The following SLC7A2 variants were observed in gnomAD, a reference collection of about 807,000 sequenced individuals.
The protein encoded by SLC7A2 is cationic amino acid transporter 2.
Under a neutral mutation model 58.9 loss-of-function variants are expected in SLC7A2, and 48 were observed. The ratio of observed to expected loss-of-function variants is 0.82; its 90% confidence interval spans 0.65 to 1.04. SLC7A2 has a LOEUF of 1.04. Among genes scored for constraint, SLC7A2 ranks in the 50% least tolerant of loss-of-function variants. The pLI, the probability that SLC7A2 is intolerant of heterozygous loss-of-function variation, is 0.00. For synonymous variants in SLC7A2, 363 were observed against 314.5 expected (o/e 1.15, Z -1.63); for missense variants, 1,029 against 818.8 (o/e 1.26, Z -3.13).
intron 11 of SLC7A2, 68 bp downstream of exon 11, chr8:17,562,178 G>C: frequency 2.1e-6 from 1 of 478,206 alleles, no homozygotes; most frequent in Non-Finnish European, 2.9e-6. Flanking sequence ...AGTTTGGTAA[G>C]TATTTTTTTT....
intron 2 of SLC7A2, 68 bp downstream of exon 2, chr8:17,502,370 G>C (rs1800194580): frequency 6.6e-6 from 1 of 152,114 alleles, no homozygotes; most frequent in South Asian, 2.1e-4. Context: ...AAAAAATGTT[G>C]ACAGTGGAAA....
At chr8:17,513,749 G>A (rs1200354913) in intron 2 of SLC7A2, among the ~76,000 whole-genome samples, 2 of 152,156 alleles carry the variant, frequency 1.3e-5, no homozygotes, top group African/African-American at 2.4e-5. Flanking sequence ...AATCTAAGAA[G>A]CGAGGCAAGG....
In SLC7A2 at chr8:17,562,114, T is replaced by G. The variant is rs762575843; in HGVS notation, c.1671+4T>G. The G allele has an allele frequency of 6.2e-7, 1 of 1,611,302 alleles. No individual in the cohort carries two copies. The highest frequency in any genetic ancestry group is 1.7e-5 in the Admixed American group (1 of 59,936). Reference sequence around the variant, plus strand: ...TCAGCAAAAAGTAGCCTTCATGGTATGTGTAATGAGGATTAGAGACCCAAA... The same window carrying G: ...TCAGCAAAAAGTAGCCTTCATGGTAGGTGTAATGAGGATTAGAGACCCAAA... On this transcript the variant is annotated splice_donor_region_variant and intron_variant, in intron 11 of 12. Coordinates refer to ENST00000494857, the MANE Select transcript of SLC7A2 (RefSeq NM_001370338.1).
chr8:17,553,759 CAG>C (rs1802559524), intron 7 of SLC7A2, among the ~76,000 whole-genome samples: 1 of 152,188 alleles, frequency 6.6e-6, no homozygotes, highest in African/African-American at 2.4e-5. Context: ...TCCTGGGTGA[CAG>C]AGTGAGTCCC....
intron 6 of SLC7A2, among the ~76,000 whole-genome samples, chr8:17,551,178 G>C (rs183412565): frequency 9.5e-4 from 145 of 152,244 alleles, no homozygotes; most frequent in African/African-American, 3.2e-3. Flanking sequence ...GGTTTTGGTT[G>C]GTTGGTTGGT....
chr8:17,528,176 G>GA (rs1209622008), intron 2 of SLC7A2, among the ~76,000 whole-genome samples: 2 of 152,266 alleles, frequency 1.3e-5, no homozygotes, highest in Middle Eastern at 3.4e-3. Flanking sequence ...AGGAGACAGG[G>GA]AGGAGCAGAC....
chr8:17,509,112 TC>T (rs1800492196), intron 2 of SLC7A2, among the ~76,000 whole-genome samples: 1 of 152,136 alleles, frequency 6.6e-6, no homozygotes, highest in Non-Finnish European at 1.5e-5. Flanking sequence ...AATTGAAAGT[TC>T]GAGTCATCTG....
rs114171628 is a variant in SLC7A2, at chr8:17,533,718, T to C, written c.-22-9600T>C. 6.3e-3 allele frequency among the ~76,000 whole-genome samples: 958 copies of C among 152,302 alleles called. 18 individuals carry two copies. The highest frequency in any genetic ancestry group is 0.021 in the African/African-American group (872 of 41,560). On this transcript the variant is annotated intron_variant, in intron 2 of 12. Coordinates refer to ENST00000494857, the MANE Select transcript of SLC7A2 (RefSeq NM_001370338.1). ...CTGGCATCTTTAATCTGAAAGTCAGTTACTAATCCAGAGAAAAGTGAAGGT... is the reference window on the plus strand; with the variant it reads ...CTGGCATCTTTAATCTGAAAGTCAGCTACTAATCCAGAGAAAAGTGAAGGT...
At chr8:17,502,962 C>A (rs1275910397) in intron 2 of SLC7A2, among the ~76,000 whole-genome samples, 2 of 151,856 alleles carry the variant, frequency 1.3e-5, no homozygotes, top group Non-Finnish European at 2.9e-5. Context: ...TTTAAATGAA[C>A]TTTCCATAAG....
chr8:17,499,345 C>G (rs1056679190), intron 1 of SLC7A2: 2 of 149,036 alleles, frequency 1.3e-5, no homozygotes, highest in African/African-American at 5.0e-5. Context: ...CTCTCTGTCT[C>G]TCTCTCTCTC....
At chr8:17,558,474 C>T (rs533630774) in intron 9 of SLC7A2, 77 bp downstream of exon 9, 2 of 894,788 alleles carry the variant, frequency 2.2e-6, no homozygotes, top group African/African-American at 1.7e-5. Flanking sequence ...CCTCACTCTC[C>T]TGGCTTCCAG....
At chr8:17,529,030 CA>C (rs1390431710) in intron 2 of SLC7A2, among the ~76,000 whole-genome samples, 1 of 152,072 alleles carries the variant, frequency 6.6e-6, no homozygotes, top group Non-Finnish European at 1.5e-5. Context: ...ACTAGAGTTT[CA>C]AATGTGATGT....
At chr8:17,516,192 A>G (rs566213168) in intron 2 of SLC7A2, among the ~76,000 whole-genome samples, 4 of 151,340 alleles carry the variant, frequency 2.6e-5, no homozygotes, top group Non-Finnish European at 4.4e-5. Flanking sequence ...CGATAGTTCT[A>G]TAACTGTTTT....
intron 2 of SLC7A2, among the ~76,000 whole-genome samples, chr8:17,523,106 T>A (rs1238507870): frequency 6.6e-6 from 1 of 151,970 alleles, no homozygotes; most frequent in African/African-American, 2.4e-5. Flanking sequence ...TGTATACCCA[T>A]GTAACAAACC....
intron 11 of SLC7A2, 70 bp downstream of exon 11, chr8:17,562,180 ATTTTTTTTTTT>A (rs200130071): frequency 1.4e-3 from 859 of 593,702 alleles, no homozygotes; most frequent in Middle Eastern, 3.8e-3. Flanking sequence ...TTTGGTAAGT[ATTTTTTTTTTT>A]TTTTTTTTTT....
At chr8:17,563,855 A>G (rs1415238373) in intron 12 of SLC7A2, 144 bp downstream of exon 12, 2 of 598,718 alleles carry the variant, frequency 3.3e-6, no homozygotes, top group South Asian at 2.2e-5. Flanking sequence ...GTGCTTTTCC[A>G]GATGTTTTCA....
chr8:17,536,460 A>T (rs1388375745), intron 2 of SLC7A2, among the ~76,000 whole-genome samples: 1 of 152,074 alleles, frequency 6.6e-6, no homozygotes, highest in Non-Finnish European at 1.5e-5. Context: ...ACTACTTGGG[A>T]GGCTGAGGCA....
Position 17,551,830 on chromosome 8 carries a change from T to A in SLC7A2, c.899T>A (p.Phe300Tyr). The change falls in exon 7 of 13, where the codon TTT (phenylalanine) becomes TAT (tyrosine). Residue 300 changes from phenylalanine (F) to tyrosine (Y), a missense_variant. By Grantham distance (22) the Phe-to-Tyr change is conservative. Coordinates refer to ENST00000494857, the MANE Select transcript of SLC7A2 (RefSeq NM_001370338.1). ...IGIVTSLLVC[F>Y]MAYFGVSAAL... ...ATTGTGACGTCTTTGCTTGTTTGCT[T>A]TATGGCCTATTTTGGGGTCTCTGCA... 6.2e-7 allele frequency: 1 copy of A among 1,613,994 alleles called. No individual in the cohort carries two copies. Among genetic ancestry groups the A allele is most frequent in the Non-Finnish European group, 8.5e-7 (1 of 1,180,012 alleles).
intron 2 of SLC7A2, among the ~76,000 whole-genome samples, chr8:17,524,324 A>G (rs1481234579): frequency 6.6e-6 from 1 of 152,100 alleles, no homozygotes; most frequent in East Asian, 1.9e-4. Context: ...TAGTAGCACA[A>G]TTTGCAATTG....
Sources: gnomAD v4.1 joint callset for allele counts (sites outside exome capture counted in the v4.1 genomes callset) on GRCh38, gnomAD v4.1.1 for gene constraint, MANE v1.5 for transcripts, NCBI Gene and HGNC (gene_info 2026-07-23, HGNC 2026-07-21) for gene names.